KYAT3: variants seen among roughly 807,000 people sequenced by gnomAD.
KYAT3 encodes the protein kynurenine aminotransferase 3, also known as kynurenine--oxoglutarate transaminase 3.
KYAT3 carries 50 observed loss-of-function variants against 59.0 expected under a neutral mutation model. The observed-to-expected ratio is 0.85, with a 90% CI of 0.68 to 1.07. KYAT3 has a LOEUF of 1.07. Among genes scored for constraint, KYAT3 ranks in the 50% least tolerant of loss-of-function variants. The pLI, the probability that KYAT3 is intolerant of heterozygous loss-of-function variation, is 0.00. For synonymous variants in KYAT3, 148 were observed against 177.0 expected, an observed-to-expected ratio of 0.84 and a Z score of 1.30; for missense variants, 497 against 533.3, an observed-to-expected ratio of 0.93 and a Z score of 0.67.
chr1:88,969,965 T>C (rs1263686937), intron 2 of KYAT3, among the ~76,000 whole-genome samples: 1 of 152,142 alleles, frequency 6.6e-6, no homozygotes. Context: ...CTGGAAGGAA[T>C]GCTTTTTCAA....
chr1:88,964,572 ACT>A, intron 5 of KYAT3: 3 of 387,182 alleles, frequency 7.7e-6, no homozygotes, highest in Non-Finnish European at 9.7e-6. Flanking sequence ...GAGAATATAG[ACT>A]CTGAAGAGGA....
At chr1:88,945,013 T>G (rs1205439590) in intron 11 of KYAT3, among the ~76,000 whole-genome samples, 1 of 152,034 alleles carries the variant, frequency 6.6e-6, no homozygotes, top group African/African-American at 2.4e-5. Context: ...CTGGCTAATC[T>G]TTGTATTTTT....
intron 2 of KYAT3, chr1:88,981,285 A>G (rs1677074579): frequency 6.6e-6 from 1 of 152,242 alleles, no homozygotes; most frequent in Non-Finnish European, 1.5e-5. Flanking sequence ...CTGACAAGAC[A>G]CTTCACCAGA....
At chr1:88,965,486 A>T (rs567806852) in intron 4 of KYAT3, among the ~76,000 whole-genome samples, 100 of 152,334 alleles carry the variant, frequency 6.6e-4, no homozygotes, top group African/African-American at 2.4e-3. Context: ...AAATGTTAGA[A>T]GGAAGTGAGA....
chr1:88,940,878 T>G (rs905155352), intron 13 of KYAT3, among the ~76,000 whole-genome samples: 1 of 152,194 alleles, frequency 6.6e-6, no homozygotes, highest in Admixed American at 6.5e-5. Context: ...TTCTCAATAA[T>G]GAGTATGCTG....
chr1:88,962,192 T>C (rs1361554544), intron 5 of KYAT3, 47 bp from the exon 6 acceptor site: 6 of 1,318,782 alleles, frequency 4.5e-6, no homozygotes, highest in Non-Finnish European at 6.6e-6. Flanking sequence ...CATTTATTCA[T>C]GTTAATAATA....
rs1447615175 is a variant in KYAT3, at chr1:88,991,107, G to A, written c.-2+1478C>T. Among the ~76,000 whole-genome samples the A allele has an allele frequency of 2.0e-5, 3 of 152,094 alleles. No individual in the cohort carries two copies. In the East Asian group the frequency reaches 5.8e-4, roughly 29 times the overall value. The stretch of plus-strand genomic sequence containing the variant: ...CATGATCTATAGAAATGAAACTGTC[G>A]ATTTATTATCAACGGTTTAGACTGT... On this transcript the variant is annotated intron_variant, in intron 1 of 13. Transcript: ENST00000260508.
the KYAT3 span, among the ~76,000 whole-genome samples, chr1:88,927,097 G>T: frequency 1.3e-5 from 2 of 152,166 alleles, no homozygotes; most frequent in African/African-American, 4.8e-5. Context: ...TCCATGGGTG[G>T]TTACGCACCC....
intron 5 of KYAT3, among the ~76,000 whole-genome samples, chr1:88,962,755 A>G (rs1037611690): frequency 1.8e-4 from 27 of 152,296 alleles, no homozygotes; most frequent in African/African-American, 6.3e-4. Context: ...TCAGCCTCCC[A>G]AAGTGCTGGG....
At chr1:88,968,088 T>C (rs1383468947) in intron 4 of KYAT3, among the ~76,000 whole-genome samples, 1 of 152,146 alleles carries the variant, frequency 6.6e-6, no homozygotes, top group Non-Finnish European at 1.5e-5. Context: ...GTTAGACCAC[T>C]ATAGAAGACA....
chr1:88,992,092 C>T (rs1186506136), intron 1 of KYAT3, among the ~76,000 whole-genome samples: 1 of 151,530 alleles, frequency 6.6e-6, no homozygotes, highest in Non-Finnish European at 1.5e-5. Flanking sequence ...CATTTTCCTG[C>T]CTCAGCCTCC....
At chr1:88,975,294 G>A (rs4656071) in intron 2 of KYAT3, among the ~76,000 whole-genome samples, 63,951 of 152,002 alleles carry the variant, frequency 0.42, 14,292 homozygotes, top group Non-Finnish European at 0.49. Flanking sequence ...CAGGACTACC[G>A]GCACGTGCCA....
chr1:88,988,259 G>A lies in KYAT3; in HGVS notation c.92C>T (p.Thr31Ile), dbSNP rs144628833. The change falls in exon 2 of 14, where the codon ACT becomes ATT. Residue 31 changes from threonine to isoleucine, a missense_variant. Physicochemically the swap from Thr to Ile is moderately conservative, Grantham distance 89. Coordinates refer to ENST00000260508, the MANE Select transcript of KYAT3 (RefSeq NM_001008661.3). Reference sequence around the variant, plus strand: ...TAAGTAAGCAATACCTACAGCAGAAGTAGAGAATCCGAGGATTTTGGAAGA... The same window carrying A: ...TAAGTAAGCAATACCTACAGCAGAAATAGAGAATCCGAGGATTTTGGAAGA... The part of the protein sequence containing the change: ...ISSSKILGFS[T>I]SAKMSLKFTN... 5.0e-6 allele frequency: 8 copies of A among 1,610,174 alleles called. No individual in the cohort carries two copies. The African/African-American group carries it at 8.0e-5, about 16-fold the overall frequency.
intron 8 of KYAT3, among the ~76,000 whole-genome samples, chr1:88,957,963 C>T (rs982411640): frequency 1.3e-5 from 2 of 152,180 alleles, no homozygotes; most frequent in African/African-American, 4.8e-5. Context: ...GTGTCACACC[C>T]TGCAAATCTC....
intron 2 of KYAT3, among the ~76,000 whole-genome samples, chr1:88,975,795 G>A (rs1676763353): frequency 6.6e-6 from 1 of 152,190 alleles, no homozygotes; most frequent in African/African-American, 2.4e-5. Flanking sequence ...AGCACTTTGG[G>A]AGGCTGGGGT....
intron 4 of KYAT3, among the ~76,000 whole-genome samples, chr1:88,967,527 G>C (rs1676392123): frequency 6.6e-6 from 1 of 152,006 alleles, no homozygotes; most frequent in African/African-American, 2.4e-5. Context: ...TCTAGGTATT[G>C]AGGTTTGTTT....
chr1:88,931,567 G>A (rs560064827), downstream of KYAT3, among the ~76,000 whole-genome samples: 1 of 152,066 alleles, frequency 6.6e-6, no homozygotes, highest in South Asian at 2.1e-4. Context: ...TGTTGAGAGG[G>A]GGGACTGAGA....
chr1:88,931,661 G>A (rs542595300), downstream of KYAT3, among the ~76,000 whole-genome samples: 7 of 151,950 alleles, frequency 4.6e-5, no homozygotes, highest in East Asian at 1.4e-3. Flanking sequence ...TTAAACACGG[G>A]GCTTGCAACT....
intron 2 of KYAT3, chr1:88,979,621 G>A (rs1305655455): frequency 1.3e-5 from 2 of 152,010 alleles, no homozygotes; most frequent in East Asian, 3.9e-4. Context: ...AGTCACCCGG[G>A]GAAATGAAAA....
Sources: allele counts gnomAD v4.1 joint callset (sites outside exome capture counted in the v4.1 genomes callset), GRCh38; gene constraint gnomAD v4.1.1; transcripts MANE v1.5; gene names NCBI Gene and HGNC (gene_info 2026-07-23, HGNC 2026-07-21).